PLCB1: variants seen among roughly 807,000 people sequenced by gnomAD.
PLCB1 encodes the protein phospholipase C beta 1, also known as 1-phosphatidylinositol 4,5-bisphosphate phosphodiesterase beta-1.
A neutral mutation model predicts 161.8 loss-of-function variants in PLCB1; 46 were observed. The observed-to-expected ratio is 0.28, with a 90% CI of 0.22 to 0.36. PLCB1 has a LOEUF of 0.36. Among genes scored for constraint, PLCB1 ranks in the 10% least tolerant of loss-of-function variants. The pLI is 1.00. For missense variants in PLCB1, 1,016 were observed against 1,472.5 expected (o/e 0.69, Z 5.07); for synonymous variants, 517 against 503.7 (o/e 1.03, Z -0.35).
At chr20:8,755,276 T>A (rs1419089188) in intron 23 of PLCB1, among the ~76,000 whole-genome samples, 1 of 152,222 alleles carries the variant, frequency 6.6e-6, no homozygotes, top group Admixed American at 6.5e-5. Flanking sequence ...ATTTTCACTC[T>A]TATCTTACTT....
intron 9 of PLCB1, among the ~76,000 whole-genome samples, chr20:8,659,949 A>T (rs1174954763): frequency 6.7e-6 from 1 of 148,780 alleles, no homozygotes; most frequent in East Asian, 2.0e-4. Flanking sequence ...CCGAGATTAC[A>T]CCACTGCCCT....
At chr20:8,792,519 G>A (rs1983808955) in intron 31 of PLCB1, 1 of 470,124 alleles carries the variant, frequency 2.1e-6, no homozygotes. Flanking sequence ...TGGCCCCTTG[G>A]AAAGAGATCT....
intron 2 of PLCB1, among the ~76,000 whole-genome samples, chr20:8,230,145 A>G (rs1489836086): frequency 6.6e-6 from 1 of 151,580 alleles, no homozygotes; most frequent in Admixed American, 6.6e-5. Context: ...TGTGCAATTC[A>G]ATAAGTTTCT....
At chr20:8,325,639 C>T (rs1314443863) in intron 2 of PLCB1, among the ~76,000 whole-genome samples, 1 of 152,120 alleles carries the variant, frequency 6.6e-6, no homozygotes, top group Non-Finnish European at 1.5e-5. Context: ...AGACAAGGGT[C>T]AGGAAGGTTA....
chr20:8,478,217 G>A (rs573407337), intron 3 of PLCB1, among the ~76,000 whole-genome samples: 1 of 152,322 alleles, frequency 6.6e-6, no homozygotes, highest in East Asian at 1.9e-4. Flanking sequence ...TAAGGATTAT[G>A]GTGACAACCG....
At chr20:8,698,442 G>A (rs1990628584) in intron 11 of PLCB1, among the ~76,000 whole-genome samples, 1 of 152,104 alleles carries the variant, frequency 6.6e-6, no homozygotes, top group African/African-American at 2.4e-5. Flanking sequence ...TATTGTTTCA[G>A]ATAACTCTAG....
chr20:8,520,391 C>T (rs7274035), intron 3 of PLCB1, among the ~76,000 whole-genome samples: 20,415 of 151,866 alleles, frequency 0.13, 1,703 homozygotes, highest in African/African-American at 0.24. Flanking sequence ...ATCTATATAC[C>T]AAACTTTCAT....
At chr20:8,276,980 CTTCTTCTTATTATTA>C (rs1204125159) in intron 2 of PLCB1, among the ~76,000 whole-genome samples, 57 of 96,868 alleles carry the variant, frequency 5.9e-4, no homozygotes, top group Non-Finnish European at 8.3e-4. Context: ...TCTTCTTCTT[CTTCTTCTTATTATTA>C]TTATTATTAT....
At chr20:8,356,361 A>C (rs771550558) in intron 2 of PLCB1, among the ~76,000 whole-genome samples, 13 of 152,268 alleles carry the variant, frequency 8.5e-5, no homozygotes, top group Non-Finnish European at 1.5e-4. Context: ...CAACCTCTGG[A>C]GTTTTCAGTT....
chr20:8,360,167 T>C (rs982673835), intron 2 of PLCB1, among the ~76,000 whole-genome samples: 1 of 152,244 alleles, frequency 6.6e-6, no homozygotes. Flanking sequence ...CTCCTGCATC[T>C]GTCAGACATG....
chr20:8,282,679 A>C (rs1456424020), intron 2 of PLCB1, among the ~76,000 whole-genome samples: 1 of 152,190 alleles, frequency 6.6e-6, no homozygotes, highest in South Asian at 2.1e-4. Context: ...AAGGGAAAAT[A>C]ATCAATCAAA....
intron 31 of PLCB1, among the ~76,000 whole-genome samples, chr20:8,878,562 C>T (rs929971456): frequency 5.5e-5 from 8 of 144,458 alleles, no homozygotes; most frequent in Admixed American, 2.0e-4. Flanking sequence ...GGGCCCTGAG[C>T]GCCCCCTCAC....
At chr20:8,151,775 A>G (rs2051511201) in intron 2 of PLCB1, among the ~76,000 whole-genome samples, 1 of 152,118 alleles carries the variant, frequency 6.6e-6, no homozygotes, top group African/African-American at 2.4e-5. Context: ...AACGTTGGGT[A>G]TTTGTACGAG....
intron 3 of PLCB1, among the ~76,000 whole-genome samples, chr20:8,567,515 T>C (rs1388937867): frequency 6.6e-6 from 1 of 152,116 alleles, no homozygotes; most frequent in Non-Finnish European, 1.5e-5. Flanking sequence ...CTCTCTAAAA[T>C]AGTAATGGGA....
chr20:8,364,322 C>T lies in PLCB1; in HGVS notation c.178-7060C>T, dbSNP rs1986640180. On this transcript the variant is annotated intron_variant, in intron 2 of 31. Coordinates refer to ENST00000338037, the MANE Select transcript of PLCB1 (RefSeq NM_015192.4). ...TCATATACTTGCCAATAACATTGGG[C>T]CAAATACTTTGGAAGTAGGTCCAGG... Among the ~76,000 whole-genome samples the T allele has an allele frequency of 2.0e-5, 3 of 152,100 alleles. No individual in the cohort carries two copies. In the South Asian group the frequency reaches 6.2e-4, roughly 32 times the overall value.
chr20:8,561,362 A>C (rs1986134989), intron 3 of PLCB1, among the ~76,000 whole-genome samples: 3 of 152,012 alleles, frequency 2.0e-5, no homozygotes, highest in Admixed American at 1.3e-4. Flanking sequence ...CAGGGGGATT[A>C]TAGATAACCC....
intron 31 of PLCB1, among the ~76,000 whole-genome samples, chr20:8,827,135 A>G (rs1985745071): frequency 6.6e-6 from 1 of 152,226 alleles, no homozygotes; most frequent in South Asian, 2.1e-4. Context: ...TCATTATCCA[A>G]TGCTGCATTT....
Position 8,740,357 on chromosome 20 carries a change from C to A in PLCB1, c.2322C>A (p.Ile774=). Residue 774 remains isoleucine, a synonymous_variant, in exon 22 of 32, where the codon ATC becomes ATA. Coordinates refer to ENST00000338037, the MANE Select transcript of PLCB1 (RefSeq NM_015192.4). ...CTCACCTTCCAGGCTATCACTATAT[C>A]TGTCTAAGGAATGAAAGGAACCAGC... The part of the protein sequence containing the change: ...VQAIRPGYHY[I]CLRNERNQPL... The A allele has an allele frequency of 6.3e-7, 1 of 1,595,804 alleles. No homozygotes were observed. The highest frequency in any genetic ancestry group is 8.6e-7 in the Non-Finnish European group (1 of 1,166,666).
chr20:8,585,323 G>A (rs1986957697), intron 3 of PLCB1, among the ~76,000 whole-genome samples: 1 of 152,178 alleles, frequency 6.6e-6, no homozygotes, highest in African/African-American at 2.4e-5. Context: ...GCGGTCTGAT[G>A]GCAGAGGCAG....
Sources: allele counts gnomAD v4.1 joint callset (sites outside exome capture counted in the v4.1 genomes callset), GRCh38; gene constraint gnomAD v4.1.1; transcripts MANE v1.5; gene names NCBI Gene and HGNC (gene_info 2026-07-23, HGNC 2026-07-21).